Variants in TNPO1 observed in about 807,000 individuals in gnomAD.
TNPO1 encodes the protein transportin 1.
Under a neutral mutation model 119.5 loss-of-function variants are expected in TNPO1, and 8 were observed. That is an observed-to-expected ratio of 0.07 (90% CI 0.04 to 0.12). The LOEUF is 0.12. TNPO1 is among the 10% of genes least tolerant of loss of function. The pLI is 1.00. For synonymous variants in TNPO1, 362 were observed against 363.0 expected (o/e 1.00, Z 0.03); for missense variants, 576 against 1,089.8 (o/e 0.53, Z 6.64).
chr5:72,819,744 C>T (rs1039281299), intron 1 of TNPO1, among the ~76,000 whole-genome samples: 3 of 152,120 alleles, frequency 2.0e-5, no homozygotes, highest in African/African-American at 2.4e-5. Context: ...AGAGAACAGG[C>T]GCTTTGGAGC....
In TNPO1 at chr5:72,882,490, G is replaced by A; in HGVS notation, c.944G>A (p.Gly315Asp). ...AGGTTGATTCCTGTGTTAGTGAATG[G>A]CATGAAGTACTCAGACATAGATATT... ...LPKLIPVLVN[G>D]MKYSDIDIIL... The change falls in exon 10 of 25, where the codon GGC becomes GAC. Residue 315 changes from glycine (G) to aspartate (D), a missense_variant. This residue lies in a region of TNPO1 where 310 missense variants were observed against 583.0 expected (regional missense o/e 0.53). Coordinates refer to ENST00000337273, the MANE Select transcript of TNPO1 (RefSeq NM_002270.4). The A allele has an allele frequency of 6.2e-7, 1 of 1,609,746 alleles. No homozygotes were observed. The highest frequency in any genetic ancestry group is 8.5e-7 in the Non-Finnish European group (1 of 1,177,736).
intron 4 of TNPO1, among the ~76,000 whole-genome samples, chr5:72,856,748 A>G (rs1054188645): frequency 6.6e-6 from 1 of 152,212 alleles, no homozygotes; most frequent in Non-Finnish European, 1.5e-5. Flanking sequence ...CAGGGGCAGT[A>G]CAACTTTCTG....
intron 6 of TNPO1, among the ~76,000 whole-genome samples, chr5:72,869,078 C>T (rs1467258294): frequency 1.3e-5 from 2 of 152,082 alleles, no homozygotes; most frequent in Non-Finnish European, 2.9e-5. Context: ...GTACAAACAG[C>T]TCAAACTATA....
At position 72,910,788 on chromosome 5, in the gene TNPO1, T is replaced by TAC. The variant is rs1750513974; in HGVS notation, c.*2116_*2117insCA. On this transcript the variant is annotated 3_prime_UTR_variant, in exon 25 of 25. Transcript: ENST00000337273. ...TAGCATGTAGAAAGGTTTTTGTTAC[T>TAC]ATGTGTGTGTGTGTGTTTTGTTTTG... 6.6e-6 allele frequency: 1 copy of TAC among 152,100 alleles called. No homozygotes were observed. The highest frequency in any genetic ancestry group is 6.6e-5 in the Admixed American group (1 of 15,238). 9.4% of individuals were successfully genotyped at this position (152,100 alleles called of 1,614,324 possible).
chr5:72,818,548 G>A (rs1375965384), intron 1 of TNPO1, among the ~76,000 whole-genome samples: 8 of 152,090 alleles, frequency 5.3e-5, no homozygotes, highest in African/African-American at 1.9e-4. Context: ...TTTAAGAAAA[G>A]AAACCTGGTT....
At chr5:72,885,053 C>T (rs1379773076) in intron 11 of TNPO1, among the ~76,000 whole-genome samples, 3 of 152,232 alleles carry the variant, frequency 2.0e-5, no homozygotes, top group Non-Finnish European at 4.4e-5. Context: ...TTCTCTGTTG[C>T]CTCTTCAGTT....
At chr5:72,871,736 T>C (rs954309571) in intron 6 of TNPO1, 2 of 152,230 alleles carry the variant, frequency 1.3e-5, no homozygotes, top group African/African-American at 4.8e-5. Context: ...GAATCAGCCT[T>C]TTAGAGTGAC....
intron 14 of TNPO1, 63 bp from the exon 15 acceptor site, chr5:72,891,747 C>A: frequency 8.3e-7 from 1 of 1,203,576 alleles, no homozygotes; most frequent in Non-Finnish European, 1.2e-6. Context: ...TTTTCAAAGA[C>A]TCAAAATGGT....
chr5:72,889,504 A>G (rs548673921), intron 13 of TNPO1, among the ~76,000 whole-genome samples: 2 of 152,240 alleles, frequency 1.3e-5, no homozygotes, highest in South Asian at 2.1e-4. Context: ...TTAATTGTTA[A>G]GCATATACTA....
chr5:72,864,733 A>G (rs1746751354), intron 5 of TNPO1, among the ~76,000 whole-genome samples: 2 of 151,928 alleles, frequency 1.3e-5, no homozygotes, highest in African/African-American at 2.4e-5. Flanking sequence ...CTCAGCCTCC[A>G]GAGTAGCTGG....
At chr5:72,881,822 A>T (rs1015702852) in intron 9 of TNPO1, among the ~76,000 whole-genome samples, 21 of 152,272 alleles carry the variant, frequency 1.4e-4, no homozygotes, top group Admixed American at 3.3e-4. Context: ...TCTTATACCC[A>T]GAGACCCTCA....
intron 11 of TNPO1, among the ~76,000 whole-genome samples, chr5:72,884,790 G>T (rs1760460119): frequency 6.6e-6 from 1 of 151,860 alleles, no homozygotes; most frequent in Non-Finnish European, 1.5e-5. Flanking sequence ...CATCATGCAT[G>T]TAATTCTTTG....
At chr5:72,899,147 G>A (rs1749644757) in intron 20 of TNPO1, among the ~76,000 whole-genome samples, 1 of 152,072 alleles carries the variant, frequency 6.6e-6, no homozygotes, top group Non-Finnish European at 1.5e-5. Context: ...TTAGTATAAT[G>A]TATTATCTAT....
intron 1 of TNPO1, among the ~76,000 whole-genome samples, chr5:72,818,968 A>G (rs190233536): frequency 6.6e-6 from 1 of 152,230 alleles, no homozygotes; most frequent in East Asian, 1.9e-4. Flanking sequence ...TCTGGGTTGT[A>G]CAAGGGATGA....
chr5:72,906,121 C>G (rs1177239589), intron 24 of TNPO1, among the ~76,000 whole-genome samples: 4 of 151,880 alleles, frequency 2.6e-5, no homozygotes, highest in Admixed American at 2.6e-4. Context: ...AAATTGATTT[C>G]ATTTTGGAGC....
intron 6 of TNPO1, among the ~76,000 whole-genome samples, chr5:72,869,076 A>G (rs1192791505): frequency 6.6e-6 from 1 of 152,196 alleles, no homozygotes; most frequent in Non-Finnish European, 1.5e-5. Context: ...TTGTACAAAC[A>G]GCTCAAACTA....
Position 72,897,122 on chromosome 5 carries a change from A to G in TNPO1, c.2309A>G (p.Asn770Ser), listed in dbSNP as rs746738339. ...CTTGTAGAAATCATTAACAGACCCA[A>G]CACACCAAAGACGTTGTTAGAGAAT... is the stretch of plus-strand genomic sequence containing the variant. Reference protein sequence around the residue: ...HQLVEIINRPNTPKTLLENTA... With the variant: ...HQLVEIINRPSTPKTLLENTA... Residue 770 changes from asparagine to serine, a missense_variant, in exon 20 of 25, where the codon AAC becomes AGC. Coordinates refer to ENST00000337273, the MANE Select transcript of TNPO1 (RefSeq NM_002270.4). 18 of 1,611,226 alleles carry G rather than the reference A, an allele frequency of 1.1e-5. No homozygotes were observed. The highest frequency in any genetic ancestry group is 1.7e-5 in the Admixed American group (1 of 59,230).
chr5:72,865,999 T>C (rs1476736828), intron 6 of TNPO1, among the ~76,000 whole-genome samples: 1 of 152,262 alleles, frequency 6.6e-6, no homozygotes, highest in Non-Finnish European at 1.5e-5. Context: ...AGGCATCTTC[T>C]AACTTCCTTT....
intron 21 of TNPO1, 23 bp from the exon 22 acceptor site, chr5:72,900,951 A>G (rs1473487312): frequency 1.9e-6 from 3 of 1,558,482 alleles, no homozygotes; most frequent in African/African-American, 1.4e-5. Flanking sequence ...TTAAATGCTA[A>G]ACTCAATTCT....
Sources: gnomAD v4.1 joint callset for allele counts (sites outside exome capture counted in the v4.1 genomes callset) on GRCh38, gnomAD v4.1.1 for gene constraint, gnomAD v4.1.1 regional missense constraint, MANE v1.5 for transcripts, NCBI Gene and HGNC (gene_info 2026-07-23, HGNC 2026-07-21) for gene names.